The following CHIC1 variants were observed in gnomAD, a reference collection of about 807,000 sequenced individuals.
CHIC1 encodes the protein cysteine-rich hydrophobic domain-containing protein 1.
A neutral mutation model predicts 18.5 loss-of-function variants in CHIC1; 7 were observed. The observed-to-expected ratio is 0.38, with a 90% CI of 0.22 to 0.71. CHIC1 has a LOEUF of 0.71. Among genes scored for constraint, CHIC1 ranks in the 30% least tolerant of loss-of-function variants. The pLI is 0.49. For missense variants in CHIC1, 159 were observed against 176.9 expected, an observed-to-expected ratio of 0.90 and a Z score of 0.57; for synonymous variants, 77 against 73.5, an observed-to-expected ratio of 1.05 and a Z score of -0.25.
chrX:73,626,827 C>T (rs912225056), intron 3 of CHIC1, among the ~76,000 whole-genome samples: 1 of 110,775 alleles, frequency 9.0e-6, no homozygotes, highest in Admixed American at 9.7e-5. Flanking sequence ...TTGATGAGGT[C>T]ATGTTTTCCT....
intron 3 of CHIC1, among the ~76,000 whole-genome samples, chrX:73,594,545 T>G (rs909371222): frequency 8.9e-6 from 1 of 112,042 alleles, no homozygotes; most frequent in Non-Finnish European, 1.9e-5. Context: ...CAGGTTGCAA[T>G]CCAGTAGATA....
chrX:73,665,717 C>T (rs2058001337), intron 3 of CHIC1, among the ~76,000 whole-genome samples: 1 of 110,993 alleles, frequency 9.0e-6, no homozygotes, highest in African/African-American at 3.3e-5. Flanking sequence ...CACCAGCTGC[C>T]GGGTCTGACC....
chrX:73,592,919 C>T (rs1001780001), intron 3 of CHIC1, among the ~76,000 whole-genome samples: 21 of 109,083 alleles, frequency 1.9e-4, no homozygotes, highest in South Asian at 7.8e-4. Context: ...TTTTTTTTTC[C>T]TGATTCAATC....
chrX:73,674,908 G>T (rs769421240), intron 3 of CHIC1, among the ~76,000 whole-genome samples: 1 of 111,850 alleles, frequency 8.9e-6, no homozygotes, highest in South Asian at 3.8e-4. Flanking sequence ...TGCTTTGAAT[G>T]TGTCCCAGAG....
chrX:73,646,761 T>C (rs1050538132), intron 3 of CHIC1, among the ~76,000 whole-genome samples: 18 of 112,374 alleles, frequency 1.6e-4, no homozygotes, highest in African/African-American at 5.5e-4. Context: ...GATAAGGTCA[T>C]AAGCAAACAG....
At chrX:73,593,681 T>C (rs67619643) in intron 3 of CHIC1, among the ~76,000 whole-genome samples, 5,353 of 111,734 alleles carry the variant, frequency 0.048, 321 homozygotes, top group African/African-American at 0.16. Context: ...TCTGAAACTC[T>C]TTCTTGAGTT....
rs768306352 is a variant in CHIC1, at chrX:73,592,203, CTGAT to C, written c.507+7634_507+7637del. On this transcript the variant is annotated intron_variant, in intron 3 of 5. Transcript: ENST00000373502. ...TGTGCCTTTTATTTTTTTGTCTTGA[CTGAT>C]TGCTCTGTCTAGGACTTCCAGTACT... is the stretch of plus-strand genomic sequence containing the variant. Among the ~76,000 whole-genome samples the C allele has an allele frequency of 3.2e-4, 35 of 110,495 alleles. No individual in the cohort carries two copies. In the East Asian group the frequency reaches 9.8e-3, roughly 31 times the overall value.
chrX:73,670,230 C>G (rs183752317), intron 3 of CHIC1, among the ~76,000 whole-genome samples: 2 of 111,394 alleles, frequency 1.8e-5, no homozygotes, highest in African/African-American at 6.5e-5. Flanking sequence ...CTCTGTGTGT[C>G]GAGTTATTTC....
chrX:73,581,892 A>T (rs1469137736), intron 2 of CHIC1, among the ~76,000 whole-genome samples: 1 of 110,935 alleles, frequency 9.0e-6, no homozygotes, highest in Non-Finnish European at 1.9e-5. Flanking sequence ...GGCAAATTTT[A>T]TAACAAATTT....
chrX:73,675,679 T>G (rs1478750792), intron 3 of CHIC1, among the ~76,000 whole-genome samples: 14 of 111,927 alleles, frequency 1.3e-4, no homozygotes, highest in Admixed American at 1.2e-3. Context: ...TCTTGACTCT[T>G]TATCCAATTT....
At chrX:73,662,642 A>G (rs2057986558) in intron 3 of CHIC1, among the ~76,000 whole-genome samples, 1 of 108,571 alleles carries the variant, frequency 9.2e-6, no homozygotes, top group South Asian at 4.1e-4. Context: ...GTAATTTCTG[A>G]TAATCATTTA....
chrX:73,686,948 TCC>T lies in CHIC1; in HGVS notation c.*5945_*5946del, dbSNP rs2058125100. On this transcript the variant is annotated 3_prime_UTR_variant, in exon 6 of 6. Transcript: ENST00000373502. ...TTCTCCCTTGAGTCCAGGAATGACT[TCC>T]CTGGAAAAACTCAATCTATATACAG... is the stretch of plus-strand genomic sequence containing the variant. 1 of 111,536 alleles carries T rather than the reference TCC, an allele frequency of 9.0e-6. No individual in the cohort carries two copies. Among genetic ancestry groups the T allele is most frequent in the Non-Finnish European group, 1.9e-5 (1 of 52,917 alleles). 9.2% of individuals were successfully genotyped at this position (111,536 alleles called of 1,213,427 possible).
rs1472129892 is a variant in CHIC1, at chrX:73,655,906, A to G, written c.508-23420A>G. Among the ~76,000 whole-genome samples the G allele has an allele frequency of 3.6e-5, 4 of 110,895 alleles. No individual in the cohort carries two copies. The Admixed American group carries it at 3.9e-4, about 11-fold the overall frequency. On this transcript the variant is annotated intron_variant, in intron 3 of 5. Coordinates refer to ENST00000373502, the MANE Select transcript of CHIC1 (RefSeq NM_001039840.4). ...TGCCACACTCTCTTCCATAATGGTT[A>G]AACTAATTTACACTCCCACCAATGG...
intron 3 of CHIC1, among the ~76,000 whole-genome samples, chrX:73,632,925 C>G (rs769572789): frequency 1.7e-4 from 18 of 107,787 alleles, no homozygotes; most frequent in Non-Finnish European, 9.6e-5. Flanking sequence ...CCCACCACCA[C>G]GCCCAGCTAA....
chrX:73,633,056 C>T (rs1385687738), intron 3 of CHIC1, among the ~76,000 whole-genome samples: 2 of 111,084 alleles, frequency 1.8e-5, no homozygotes, highest in Admixed American at 9.6e-5. Context: ...CATGAGCCAC[C>T]GCGCCTGGCC....
chrX:73,671,811 G>A (rs2058032209), intron 3 of CHIC1, among the ~76,000 whole-genome samples: 1 of 106,673 alleles, frequency 9.4e-6, no homozygotes, highest in Non-Finnish European at 1.9e-5. Context: ...TGGTACATGT[G>A]CACAACATGC....
intron 3 of CHIC1, among the ~76,000 whole-genome samples, chrX:73,642,294 T>A (rs755912189): frequency 1.8e-5 from 2 of 111,448 alleles, no homozygotes; most frequent in South Asian, 3.8e-4. Flanking sequence ...TTTTCATGTG[T>A]TTTTTGGCTG....
chrX:73,564,821 G>T (rs2057437314), intron 1 of CHIC1, among the ~76,000 whole-genome samples: 1 of 70,555 alleles, frequency 1.4e-5, no homozygotes, highest in African/African-American at 6.5e-5. Context: ...TTTTGAGACA[G>T]AGTCTCACTC....
At chrX:73,624,761 G>A (rs1470864855) in intron 3 of CHIC1, among the ~76,000 whole-genome samples, 1 of 111,913 alleles carries the variant, frequency 8.9e-6, no homozygotes, top group Admixed American at 9.5e-5. Flanking sequence ...TCAGAGACCT[G>A]CAGCAGTTTG....
Sources: allele counts gnomAD v4.1 joint callset (sites outside exome capture counted in the v4.1 genomes callset), GRCh38; gene constraint gnomAD v4.1.1; transcripts MANE v1.5; gene names NCBI Gene and HGNC (gene_info 2026-07-23, HGNC 2026-07-21).